The following PCDHGB4 variants were observed in gnomAD, a reference collection of about 807,000 sequenced individuals.
PCDHGB4 encodes the protein protocadherin gamma-B4.
Under a neutral mutation model 60.5 loss-of-function variants are expected in PCDHGB4, and 38 were observed. The ratio of observed to expected loss-of-function variants is 0.63; its 90% CI spans 0.48 to 0.82. The LOEUF (loss-of-function observed/expected upper bound fraction) is 0.82. PCDHGB4 is among the 40% of genes least tolerant of loss of function. The pLI is 0.00. For missense variants in PCDHGB4, 1,109 were observed against 1,209.6 expected (o/e 0.92, Z 1.23); for synonymous variants, 456 against 509.7 (o/e 0.89, Z 1.42).
intron 2 of PCDHGB4, among the ~76,000 whole-genome samples, chr5:141,500,311 C>T (rs2099799036): frequency 2.0e-5 from 3 of 152,072 alleles, no homozygotes; most frequent in African/African-American, 7.2e-5. Context: ...CAGGTTCACG[C>T]CATGCTCCTG....
chr5:141,406,998 A>T (rs138992041), intron 1 of PCDHGB4, among the ~76,000 whole-genome samples: 1 of 152,234 alleles, frequency 6.6e-6, no homozygotes, highest in Non-Finnish European at 1.5e-5. Context: ...ATTTGAAAAT[A>T]AGCTTTGAAG....
At chr5:141,422,716 G>A (rs1348237465) in intron 1 of PCDHGB4, 1 of 1,604,378 alleles carries the variant, frequency 6.2e-7, no homozygotes, top group Non-Finnish European at 8.5e-7. Flanking sequence ...GGATGACACT[G>A]TCCAGGGGGT....
At chr5:141,499,726 ACT>A (rs1368224475) in intron 2 of PCDHGB4, among the ~76,000 whole-genome samples, 1 of 128,608 alleles carries the variant, frequency 7.8e-6, no homozygotes, top group African/African-American at 3.0e-5. Flanking sequence ...ACAGAGTCTC[ACT>A]CTCTTGCCCA....
chr5:141,433,514 G>C (rs1330494451), intron 1 of PCDHGB4, among the ~76,000 whole-genome samples: 1 of 152,016 alleles, frequency 6.6e-6, no homozygotes, highest in East Asian at 1.9e-4. Context: ...GATTACAGGC[G>C]TGAACCACAG....
At chr5:141,448,786 A>G (rs1354591718) in intron 1 of PCDHGB4, among the ~76,000 whole-genome samples, 1 of 148,848 alleles carries the variant, frequency 6.7e-6, no homozygotes, top group African/African-American at 2.5e-5. Context: ...TAAAAATACA[A>G]AAAAAAAAAT....
At chr5:141,507,442 C>T (rs748782097) in intron 3 of PCDHGB4, among the ~76,000 whole-genome samples, 1 of 152,162 alleles carries the variant, frequency 6.6e-6, no homozygotes, top group African/African-American at 2.4e-5. Flanking sequence ...CTACAGCTGA[C>T]GGAAGGACAG....
At chr5:141,421,523 C>G in intron 1 of PCDHGB4, 1 of 1,614,034 alleles carries the variant, frequency 6.2e-7, no homozygotes, top group Non-Finnish European at 8.5e-7. Context: ...CTCTGTGAGA[C>G]GGTGTCCTCC....
chr5:141,468,180 C>T (rs1053758210), intron 1 of PCDHGB4, among the ~76,000 whole-genome samples: 4 of 151,744 alleles, frequency 2.6e-5, no homozygotes, highest in Non-Finnish European at 5.9e-5. Context: ...GAAAAATTTG[C>T]TGGGCATGGT....
At position 141,473,299 on chromosome 5, in the gene PCDHGB4, G is replaced by A. The variant is rs182316672; in HGVS notation, c.2398-21508G>A. The stretch of plus-strand genomic sequence containing the variant: ...TATTTTACTATGTCAGTAGCATAAA[G>A]ATTGCTATATTAATAAGCATTAAGT... On this transcript the variant is annotated intron_variant, in intron 1 of 3. Coordinates refer to ENST00000519479, the MANE Select transcript of PCDHGB4 (RefSeq NM_003736.4). 5.6e-4 allele frequency among the ~76,000 whole-genome samples: 86 copies of A among 152,346 alleles called. 1 individual carries two copies. The highest frequency in any genetic ancestry group is 1.9e-3 in the African/African-American group (81 of 41,572).
chr5:141,418,497 CCG>C, intron 1 of PCDHGB4: 1 of 1,613,994 alleles, frequency 6.2e-7, no homozygotes, highest in Non-Finnish European at 8.5e-7. Flanking sequence ...TTGGTACTGA[CCG>C]CCTTAGATGG....
At chr5:141,405,240 C>G (rs2094630274) in intron 1 of PCDHGB4, 4 of 1,614,136 alleles carry the variant, frequency 2.5e-6, no homozygotes, top group African/African-American at 2.7e-5. Context: ...ACCGCTGACT[C>G]AAGGAAGAGT....
intron 1 of PCDHGB4, chr5:141,423,556 G>A (rs926962652): frequency 2.5e-6 from 4 of 1,613,550 alleles, no homozygotes; most frequent in African/African-American, 2.7e-5. Flanking sequence ...GCCCAACTAT[G>A]GGGACACGCT....
At position 141,431,510 on chromosome 5, in the gene PCDHGB4, G is replaced by T; in HGVS notation, c.2397+41229G>T. On this transcript the variant is annotated intron_variant, in intron 1 of 3. Transcript: ENST00000519479. The surrounding 1 kb of genome is among the most constrained non-coding windows in gnomAD (Gnocchi z 4.8). ...TGCTCAGCCCGAGTACCGCGCGAGC[G>T]TTCCGGAGAATCTGGCCTTGGGCAC... 1 of 1,614,022 alleles carries T rather than the reference G, an allele frequency of 6.2e-7. No individual in the cohort carries two copies. Among genetic ancestry groups the T allele is most frequent in the Non-Finnish European group, 8.5e-7 (1 of 1,180,026 alleles).
At chr5:141,413,822 T>G in intron 1 of PCDHGB4, 1 of 1,613,216 alleles carries the variant, frequency 6.2e-7, no homozygotes, top group Non-Finnish European at 8.5e-7. Context: ...CACCTGGTCC[T>G]CACCGCCTCC....
chr5:141,482,099 A>AG (rs1423781570), intron 1 of PCDHGB4, among the ~76,000 whole-genome samples: 1 of 151,852 alleles, frequency 6.6e-6, no homozygotes, highest in African/African-American at 2.4e-5. Flanking sequence ...CAAAAAAAAA[A>AG]AAAAAATATC....
At position 141,511,124 on chromosome 5, in the gene PCDHGB4, C is replaced by G; in HGVS notation, c.2723C>G (p.Ala908Gly). 1.9e-6 allele frequency: 3 copies of G among 1,614,206 alleles called. No individual in the cohort carries two copies. Among genetic ancestry groups the G allele is most frequent in the Non-Finnish European group, 2.5e-6 (3 of 1,180,022 alleles). The change falls in exon 4 of 4, where the codon GCA (alanine) becomes GGA (glycine). Residue 908 changes from alanine to glycine, a missense_variant. Transcript: ENST00000519479. ...AAGKRDGKAP[A>G]GGNGNKKKSG... ...GGCAAGCGGGATGGCAAGGCCCCAG[C>G]AGGTGGCAATGGCAACAAGAAGAAG...
chr5:141,477,315 C>G lies in PCDHGB4; in HGVS notation c.2398-17492C>G. 2 of 1,614,188 alleles carry G rather than the reference C, an allele frequency of 1.2e-6. No individual in the cohort carries two copies. Among genetic ancestry groups the G allele is most frequent in the African/African-American group, 2.7e-5 (2 of 75,042 alleles). On this transcript the variant is annotated intron_variant, in intron 1 of 3. Coordinates refer to ENST00000519479, the MANE Select transcript of PCDHGB4 (RefSeq NM_003736.4). The surrounding 1 kb of genome is among the most constrained non-coding windows in gnomAD (Gnocchi z 4.9). ...CCACCGGGTCTCCCTTTCAGCCTTA[C>G]TTCTTCCCTCAAGAATTACTTCACT...
At chr5:141,403,168 G>T in intron 1 of PCDHGB4, 14 of 1,614,032 alleles carry the variant, frequency 8.7e-6, no homozygotes, top group African/African-American at 1.3e-5. Flanking sequence ...GAGGTAGGAC[G>T]CAGCTTTTCT....
Position 141,490,916 on chromosome 5 carries a change from A to C in PCDHGB4, c.2398-3891A>C. 1 of 1,613,724 alleles carries C rather than the reference A, an allele frequency of 6.2e-7. No homozygotes were observed. Among genetic ancestry groups the C allele is most frequent in the Non-Finnish European group, 8.5e-7 (1 of 1,179,736 alleles). ...CATGTGTTTGTCCTAGACGAGAATG[A>C]TAATGCCCCAGCTGTGCTGCACCCA... is the stretch of plus-strand genomic sequence containing the variant. On this transcript the variant is annotated intron_variant, in intron 1 of 3. Transcript: ENST00000519479. This position sits in a 1 kb window ranked among gnomAD's most constrained non-coding sequence, Gnocchi z 5.4.
Sources: allele counts gnomAD v4.1 joint callset (sites outside exome capture counted in the v4.1 genomes callset), GRCh38; gene constraint gnomAD v4.1.1; non-coding constraint Gnocchi (gnomAD v3.1); transcripts MANE v1.5; gene names NCBI Gene and HGNC (gene_info 2026-07-23, HGNC 2026-07-21).